The following ADAMTSL1 variants were observed in gnomAD, a reference collection of about 807,000 sequenced individuals.
ADAMTSL1 encodes ADAMTS-like protein 1.
A neutral mutation model predicts 201.8 loss-of-function variants in ADAMTSL1; 126 were observed. The ratio of observed to expected loss-of-function variants is 0.62; its 90% confidence interval spans 0.54 to 0.72. The LOEUF is 0.72. ADAMTSL1 is among the 30% of genes least tolerant of loss of function. The pLI is 0.00. For synonymous variants in ADAMTSL1, 1,121 were observed against 903.4 expected, an observed-to-expected ratio of 1.24 and a Z score of -4.32; for missense variants, 2,679 against 2,277.8, an observed-to-expected ratio of 1.18 and a Z score of -3.59.
intron 28 of ADAMTSL1, chr9:18,907,139 C>T (rs921014230): frequency 9.1e-6 from 5 of 547,948 alleles, no homozygotes; most frequent in Non-Finnish European, 1.3e-5. Flanking sequence ...TCCATCCTGG[C>T]CCTGAGAGAG....
chr9:18,397,535 A>G (rs191487457), intron 2 of ADAMTSL1, among the ~76,000 whole-genome samples: 72 of 152,296 alleles, frequency 4.7e-4, no homozygotes, highest in African/African-American at 1.7e-3. Context: ...GAAAAGAGAC[A>G]GCAAGAAAAT....
intron 1 of ADAMTSL1, among the ~76,000 whole-genome samples, chr9:17,949,073 T>A (rs971499336): frequency 1.3e-5 from 2 of 152,166 alleles, no homozygotes; most frequent in Non-Finnish European, 2.9e-5. Flanking sequence ...AAACCCTAAG[T>A]ATAGAATGAA....
chr9:18,819,455 CAAA>C lies in ADAMTSL1; in HGVS notation c.3934+2232_3934+2234del, dbSNP rs11330901. Reference sequence around the variant, plus strand: ...TGGGCAATAGAGCAAGACTCTGTCTCAAAAAAAAAAAAAAAATAGGGGAGGAAA... The same window carrying C: ...TGGGCAATAGAGCAAGACTCTGTCTCAAAAAAAAAAAAATAGGGGAGGAAA... On this transcript the variant is annotated intron_variant, in intron 21 of 28. Coordinates refer to ENST00000380548, the MANE Select transcript of ADAMTSL1 (RefSeq NM_001040272.6). Among the ~76,000 whole-genome samples, 709 of 132,300 alleles carry C rather than the reference CAAA, an allele frequency of 5.4e-3. 6 individuals carry two copies. The highest frequency in any genetic ancestry group is 0.019 in the African/African-American group (660 of 35,496). 86.8% of individuals were successfully genotyped at this position (132,300 alleles called of 152,430 possible). A position where few individuals can be genotyped will look rare whatever the true frequency, so the allele number is the denominator to read the frequency against.
chr9:18,018,868 T>G (rs528263085), intron 1 of ADAMTSL1, among the ~76,000 whole-genome samples: 2 of 152,168 alleles, frequency 1.3e-5, no homozygotes, highest in Admixed American at 1.3e-4. Context: ...ACAGAGACTT[T>G]GGCACCTGGA....
chr9:18,158,110 T>C (rs1827233823), intron 1 of ADAMTSL1, among the ~76,000 whole-genome samples: 1 of 152,002 alleles, frequency 6.6e-6, no homozygotes, highest in African/African-American at 2.4e-5. Flanking sequence ...TCTGTATAAA[T>C]GGCCAGTTCA....
intron 1 of ADAMTSL1, among the ~76,000 whole-genome samples, chr9:17,999,650 T>A (rs982145638): frequency 1.3e-5 from 2 of 151,422 alleles, no homozygotes; most frequent in South Asian, 2.1e-4. Context: ...CATGTGCCCA[T>A]TGTGCAGGTT....
chr9:17,989,059 G>A (rs1300934809), intron 1 of ADAMTSL1, among the ~76,000 whole-genome samples: 1 of 151,718 alleles, frequency 6.6e-6, no homozygotes, highest in Non-Finnish European at 1.5e-5. Context: ...CACTGAAAAT[G>A]CATGGTTTTC....
chr9:18,544,738 A>G (rs1056668271), intron 3 of ADAMTSL1, among the ~76,000 whole-genome samples: 1 of 152,228 alleles, frequency 6.6e-6, no homozygotes, highest in African/African-American at 2.4e-5. Context: ...TATGAATAGG[A>G]ATGCCTACTT....
chr9:18,469,968 C>T (rs1323540948), upstream of ADAMTSL1, among the ~76,000 whole-genome samples: 1 of 152,236 alleles, frequency 6.6e-6, no homozygotes, highest in South Asian at 2.1e-4. Flanking sequence ...AATAAATGTA[C>T]CTACCCCATA....
chr9:18,748,081 A>G (rs561264006), intron 15 of ADAMTSL1, among the ~76,000 whole-genome samples: 33 of 152,304 alleles, frequency 2.2e-4, no homozygotes, highest in Middle Eastern at 3.4e-3. Flanking sequence ...CTTCAGCTTG[A>G]TCTGTCAACT....
At chr9:18,619,600 G>A (rs147341778) in intron 4 of ADAMTSL1, among the ~76,000 whole-genome samples, 7 of 152,190 alleles carry the variant, frequency 4.6e-5, no homozygotes, top group South Asian at 2.1e-4. Context: ...TAATATTACC[G>A]TTGCTTTGGA....
chr9:18,400,161 C>T (rs1474056512), intron 2 of ADAMTSL1, among the ~76,000 whole-genome samples: 3 of 152,062 alleles, frequency 2.0e-5, no homozygotes, highest in African/African-American at 4.8e-5. Flanking sequence ...CTTTTTTTTA[C>T]CCTAGAACTT....
chr9:18,062,214 T>C (rs1193272085), intron 1 of ADAMTSL1, among the ~76,000 whole-genome samples: 1 of 152,236 alleles, frequency 6.6e-6, no homozygotes, highest in Non-Finnish European at 1.5e-5. Context: ...TTACAACCTT[T>C]TCTTCTGATT....
At chr9:18,701,112 G>A (rs1227239096) in intron 13 of ADAMTSL1, among the ~76,000 whole-genome samples, 1 of 152,064 alleles carries the variant, frequency 6.6e-6, no homozygotes, top group African/African-American at 2.4e-5. Context: ...GCCACTTAGA[G>A]GGTGGTAAAA....
intron 2 of ADAMTSL1, among the ~76,000 whole-genome samples, chr9:18,213,645 A>T (rs1369853765): frequency 6.6e-6 from 1 of 152,198 alleles, no homozygotes; most frequent in Non-Finnish European, 1.5e-5. Flanking sequence ...ATATATCTCT[A>T]TAGGGAATTG....
At chr9:18,294,529 T>C (rs1360885188) in intron 2 of ADAMTSL1, among the ~76,000 whole-genome samples, 1 of 152,188 alleles carries the variant, frequency 6.6e-6, no homozygotes, top group African/African-American at 2.4e-5. Context: ...GTTGCCTTTT[T>C]CCAGGTTTGC....
intron 23 of ADAMTSL1, among the ~76,000 whole-genome samples, chr9:18,869,970 A>C (rs370133382): frequency 9.2e-5 from 14 of 152,060 alleles, no homozygotes; most frequent in African/African-American, 3.4e-4. Flanking sequence ...CACAATGGAT[A>C]ATTTATGTGG....
At chr9:18,223,378 G>A (rs1183130294) in intron 2 of ADAMTSL1, among the ~76,000 whole-genome samples, 1 of 152,034 alleles carries the variant, frequency 6.6e-6, no homozygotes, top group African/African-American at 2.4e-5. Context: ...TCATATATGA[G>A]ATACTCAACC....
intron 4 of ADAMTSL1, among the ~76,000 whole-genome samples, chr9:18,604,009 AAAGCAGGC>A (rs1824843734): frequency 6.6e-6 from 1 of 152,192 alleles, no homozygotes; most frequent in African/African-American, 2.4e-5. Context: ...GAACAAAGGA[AAAGCAGGC>A]ATATTTATCC....
Sources: allele counts gnomAD v4.1 joint callset (sites outside exome capture counted in the v4.1 genomes callset), GRCh38; gene constraint gnomAD v4.1.1; transcripts MANE v1.5; gene names NCBI Gene and HGNC (gene_info 2026-07-23, HGNC 2026-07-21).